The following ZFYVE21 variants were observed in gnomAD, a reference collection of about 807,000 sequenced individuals.
ZFYVE21 encodes the protein zinc finger FYVE-type containing 21.
ZFYVE21 carries 21 observed loss-of-function variants against 29.5 expected under a neutral mutation model. The observed-to-expected ratio is 0.71, with a 90% confidence interval of 0.50 to 1.02. The LOEUF (loss-of-function observed/expected upper bound fraction) is 1.02. Among genes scored for constraint, ZFYVE21 ranks in the 50% least tolerant of loss-of-function variants. The probability of loss-of-function intolerance (pLI) is 0.00; values close to 1 mark genes in which losing one functional copy is unlikely to be tolerated. For missense variants in ZFYVE21, 326 were observed against 335.4 expected (o/e 0.97, Z 0.22); for synonymous variants, 151 against 133.8 (o/e 1.13, Z -0.89).
intron 3 of ZFYVE21, 150 bp downstream of exon 3, chr14:103,728,064 G>A (rs1007016597): frequency 1.1e-6 from 1 of 881,406 alleles, no homozygotes; most frequent in African/African-American, 1.7e-5. Context: ...GATTCGTTTA[G>A]AAGCGGTTAT....
intron 3 of ZFYVE21, 91 bp downstream of exon 3, chr14:103,728,005 T>C (rs1470716142): frequency 7.2e-7 from 1 of 1,385,910 alleles, no homozygotes; most frequent in Non-Finnish European, 9.7e-7. Context: ...CGGGGCGTTC[T>C]GCTTCTCTGA....
rs1275501603 is a variant in ZFYVE21 at position 103,716,999 on chromosome 14, G to A, written c.138+1020G>A. ...TTAATTCCCTCAGTGATAGAACTAAGCAGACGTTGGAACTAGGTTCAAGAA... is the reference window on the plus strand; with the variant it reads ...TTAATTCCCTCAGTGATAGAACTAAACAGACGTTGGAACTAGGTTCAAGAA... On this transcript the variant is annotated intron_variant, in intron 1 of 6. Transcript: ENST00000311141. The surrounding 1 kb of genome is among the most constrained non-coding windows in gnomAD (Gnocchi z 4.8). Among the ~76,000 whole-genome samples, 1 of 152,208 alleles carries A rather than the reference G, an allele frequency of 6.6e-6. No individual in the cohort carries two copies. The highest frequency in any genetic ancestry group is 1.9e-4 in the East Asian group (1 of 5,198).
chr14:103,729,137 C>T lies in ZFYVE21; in HGVS notation c.481C>T (p.His161Tyr), dbSNP rs2083953458. ...CAGCCACTATGAAATCGAAATTGTA[C>T]ACATTTCCACCGTGCAGATCCTCAC... is the stretch of plus-strand genomic sequence containing the variant. ...GDSHYEIEIV[H>Y]ISTVQILTEG... The change falls in exon 5 of 7, where the codon CAC becomes TAC. Residue 161 changes from histidine to tyrosine, a missense_variant. Transcript: ENST00000311141. The T allele has an allele frequency of 1.9e-6, 3 of 1,614,036 alleles. No homozygotes were observed. Among genetic ancestry groups the T allele is most frequent in the Non-Finnish European group, 2.5e-6 (3 of 1,180,010 alleles).
At position 103,733,471 on chromosome 14, in the gene ZFYVE21, C is replaced by T. The variant is rs2084007767; in HGVS notation, c.*453C>T. 6.3e-6 allele frequency: 1 copy of T among 159,102 alleles called. No homozygotes were observed. The highest frequency in any genetic ancestry group is 2.4e-5 in the African/African-American group (1 of 41,508). The allele number at this position is 159,102 out of a possible 1,614,324, so 9.9% of individuals were successfully genotyped here. On this transcript the variant is annotated 3_prime_UTR_variant, in exon 7 of 7. Transcript: ENST00000311141. ...AGCCAGTTTACAGCACTTGCCTTAG[C>T]CTGTTTCACAGACTTGTCCACTTAC...
chr14:103,721,896 A>T (rs760530410), intron 1 of ZFYVE21, among the ~76,000 whole-genome samples: 1 of 152,230 alleles, frequency 6.6e-6, no homozygotes, highest in African/African-American at 2.4e-5. Context: ...ACACATGTGT[A>T]CCTGGGATGT....
At chr14:103,729,454 G>A (rs565613950) in intron 5 of ZFYVE21, 147 of 567,006 alleles carry the variant, frequency 2.6e-4, no homozygotes, top group Non-Finnish European at 3.9e-4. Flanking sequence ...ATGCTCTAAC[G>A]TATCATTCGG....
At chr14:103,732,579 G>T in intron 5 of ZFYVE21, 41 bp from the exon 6 acceptor site, 1 of 1,518,406 alleles carries the variant, frequency 6.6e-7, no homozygotes, top group Non-Finnish European at 8.8e-7. Flanking sequence ...TGGGCACTCA[G>T]GGCCTCCTTT....
Position 103,715,965 on chromosome 14 carries a change from G to A in ZFYVE21, c.124G>A (p.Val42Ile). The A allele has an allele frequency of 7.3e-7, 1 of 1,369,342 alleles. No individual in the cohort carries two copies. The allele number at this position is 1,369,342 out of a possible 1,614,324, so 84.8% of individuals were successfully genotyped here. Residue 42 changes from valine to isoleucine, a missense_variant, in exon 1 of 7, where the codon GTC becomes ATC. Transcript: ENST00000311141. ...GTTCGGCCTGGAGGAGCCGCAGTGG[G>A]TCCCGGACAAGGAGGTGGGTGGCCG... ...SPFGLEEPQW[V>I]PDKECRRCMQ...
intron 1 of ZFYVE21, among the ~76,000 whole-genome samples, chr14:103,722,351 CTT>C (rs34926725): frequency 7.4e-5 from 8 of 108,356 alleles, no homozygotes; most frequent in Admixed American, 1.1e-4. Context: ...TGGTCTGTCT[CTT>C]TTTTTTTTTT....
At position 103,732,696 on chromosome 14, in the gene ZFYVE21, G is replaced by A; in HGVS notation, c.603G>A (p.Leu201=). The A allele has an allele frequency of 6.2e-7, 1 of 1,613,474 alleles. No homozygotes were observed. The highest frequency in any genetic ancestry group is 1.1e-5 in the South Asian group (1 of 91,020). Residue 201 remains leucine (L), a synonymous_variant, in exon 6 of 7, where the codon CTG becomes CTA. Transcript: ENST00000311141. ...PGTEGVTQLK[L]TVVEDVTVGR... is the part of the protein sequence containing the mutation. ...CGGAGGGTGTGACCCAGCTGAAGCT[G>A]ACAGTGGTGGAGGACGTGACTGTGG...
chr14:103,722,901 C>T (rs961900027), intron 1 of ZFYVE21, among the ~76,000 whole-genome samples: 5 of 152,164 alleles, frequency 3.3e-5, no homozygotes, highest in African/African-American at 1.2e-4. Flanking sequence ...CCTCCTGCCT[C>T]AGCCTCCCAA....
chr14:103,733,359 T>C lies in ZFYVE21; in HGVS notation c.*341T>C, dbSNP rs1257833631. On this transcript the variant is annotated 3_prime_UTR_variant, in exon 7 of 7. Coordinates refer to ENST00000311141, the MANE Select transcript of ZFYVE21 (RefSeq NM_024071.4). Reference sequence around the variant, plus strand: ...ACTAGAAGGTTCTGGCCCATCAATATTCATTTCATTTAATTCTTCCACAGA... The same window carrying C: ...ACTAGAAGGTTCTGGCCCATCAATACTCATTTCATTTAATTCTTCCACAGA... 5 of 225,006 alleles carry C rather than the reference T, an allele frequency of 2.2e-5. No homozygotes were observed. In the East Asian group the frequency reaches 5.8e-4, roughly 26 times the overall value. 13.9% of individuals were successfully genotyped at this position (225,006 alleles called of 1,614,324 possible).
intron 5 of ZFYVE21, chr14:103,729,414 A>C: frequency 1.7e-6 from 1 of 580,742 alleles, no homozygotes. Flanking sequence ...CATTTGCCTC[A>C]GCATGTCATA....
rs762955371 is a variant in ZFYVE21 at position 103,733,009 on chromosome 14, G to C, written c.696G>C (p.Arg232=). ...CTGCCAAGCTCCTCTATGAATCTCGGGACCAGTAACTCTACGTGGGGCTGA... is the reference window on the plus strand; with the variant it reads ...CTGCCAAGCTCCTCTATGAATCTCGCGACCAGTAACTCTACGTGGGGCTGA... ...HKAAKLLYES[R]DQ The change falls in exon 7 of 7, where the codon CGG becomes CGC. Residue 232 remains arginine, a synonymous_variant. Transcript: ENST00000311141. The C allele has an allele frequency of 1.2e-6, 2 of 1,614,116 alleles. No homozygotes were observed. The highest frequency in any genetic ancestry group is 1.7e-6 in the Non-Finnish European group (2 of 1,180,042).
intron 3 of ZFYVE21, 110 bp downstream of exon 3, chr14:103,728,024 C>T: frequency 2.6e-6 from 3 of 1,176,356 alleles, no homozygotes; most frequent in South Asian, 1.6e-5. Context: ...GACGTTCTCT[C>T]GCCCTCCCTC....
chr14:103,720,310 C>G (rs538548232), intron 1 of ZFYVE21, among the ~76,000 whole-genome samples: 16 of 152,196 alleles, frequency 1.1e-4, no homozygotes, highest in Non-Finnish European at 1.8e-4. Flanking sequence ...GAGTTACGCT[C>G]TACCAGTTAA....
At chr14:103,732,423 A>C in intron 5 of ZFYVE21, 197 bp from the exon 6 acceptor site, 1 of 535,000 alleles carries the variant, frequency 1.9e-6, no homozygotes, top group Non-Finnish European at 2.9e-6. Flanking sequence ...CTCCCACCCC[A>C]CCTGTGAGCT....
At chr14:103,727,967 T>G in intron 3 of ZFYVE21, 53 bp downstream of exon 3, 1 of 1,552,726 alleles carries the variant, frequency 6.4e-7, no homozygotes, top group Non-Finnish European at 8.8e-7. Flanking sequence ...CGGCTCCTCG[T>G]GTCTGTGGCG....
rs2083911028 is a variant in ZFYVE21, at chr14:103,725,152, G to GCGGCGTCCTCGTGCTGCGCTCGTGC, written c.139-1632_139-1608dup. ...TAGAGCGGGGGAGCCGGCGGCGATG[G>GCGGCGTCCTCGTGCTGCGCTCGTGC]CGGCGTCCTCGTGCTGCGCTCGTGC... On this transcript the variant is annotated intron_variant, in intron 1 of 6. Transcript: ENST00000311141. 2 of 152,312 alleles carry GCGGCGTCCTCGTGCTGCGCTCGTGC rather than the reference G, an allele frequency of 1.3e-5. 1 individual carries two copies. Among genetic ancestry groups the GCGGCGTCCTCGTGCTGCGCTCGTGC allele is most frequent in the African/African-American group, 4.8e-5 (2 of 41,470 alleles). The allele number at this position is 152,312 out of a possible 1,614,324, so 9.4% of individuals were successfully genotyped here.
Sources: allele counts gnomAD v4.1 joint callset (sites outside exome capture counted in the v4.1 genomes callset), GRCh38; gene constraint gnomAD v4.1.1; non-coding constraint Gnocchi (gnomAD v3.1); transcripts MANE v1.5; gene names NCBI Gene and HGNC (gene_info 2026-07-23, HGNC 2026-07-21).